The following RABGEF1 variants were observed in gnomAD, a reference collection of about 807,000 sequenced individuals.
RABGEF1 encodes the protein rab5 GDP/GTP exchange factor.
Under a neutral mutation model 57.3 loss-of-function variants are expected in RABGEF1, and 26 were observed. The ratio of observed to expected loss-of-function variants is 0.45; its 90% CI spans 0.33 to 0.63. RABGEF1 has a LOEUF of 0.63. RABGEF1 is among the 20% of genes least tolerant of loss of function. RABGEF1 has a pLI of 0.02. For synonymous variants in RABGEF1, 185 were observed against 210.7 expected (o/e 0.88, Z 1.06); for missense variants, 464 against 607.6 (o/e 0.76, Z 2.48).
chr7:66,753,473 C>T (rs899861642), intron 1 of RABGEF1, among the ~76,000 whole-genome samples: 11 of 152,042 alleles, frequency 7.2e-5, no homozygotes, highest in Admixed American at 2.0e-4. Context: ...GGAGATATTA[C>T]GGGTTTGGTT....
At chr7:66,736,156 T>C (rs779653765), upstream of RABGEF1, among the ~76,000 whole-genome samples, 7 of 152,156 alleles carry the variant, frequency 4.6e-5, no homozygotes, top group Non-Finnish European at 1.0e-4. Flanking sequence ...ACTCCTGCCT[T>C]AGATAGACTC....
intron 3 of RABGEF1, among the ~76,000 whole-genome samples, chr7:66,780,016 G>C (rs1488870384): frequency 2.6e-5 from 4 of 152,188 alleles, no homozygotes; most frequent in Non-Finnish European, 4.4e-5. Flanking sequence ...AGCTAGTAGA[G>C]TTAATCCTCA....
chr7:66,777,453 T>C (rs775820190), intron 3 of RABGEF1, among the ~76,000 whole-genome samples: 8 of 151,454 alleles, frequency 5.3e-5, no homozygotes, highest in Non-Finnish European at 1.2e-4. Context: ...ATATATATCA[T>C]AAATAATATA....
Position 66,795,376 on chromosome 7 carries a change from G to A in RABGEF1, c.514-135G>A. On this transcript the variant is annotated intron_variant, in intron 4 of 8. Transcript: ENST00000284957. The stretch of plus-strand genomic sequence containing the variant: ...AATGGATAGGTTTTACTCTCCTGCA[G>A]GATTAATATAACCTGTGAGTACTTT... The A allele has an allele frequency of 7.2e-6, 5 of 695,948 alleles. No individual in the cohort carries two copies. In the South Asian group the frequency reaches 8.0e-5, roughly 11 times the overall value. 43.1% of individuals were successfully genotyped at this position (695,948 alleles called of 1,614,324 possible).
At chr7:66,796,710 G>T in intron 5 of RABGEF1, 1 of 291,290 alleles carries the variant, frequency 3.4e-6, no homozygotes, top group Non-Finnish European at 6.7e-6. Context: ...TCCTGTCTCA[G>T]CCCCCGAGTG....
At chr7:66,696,004 C>G (rs1311874181) in intron 1 of RABGEF1, among the ~76,000 whole-genome samples, 1 of 151,120 alleles carries the variant, frequency 6.6e-6, no homozygotes, top group Non-Finnish European at 1.5e-5. Context: ...TTTGAAGCAC[C>G]TTGGCTGGGG....
chr7:66,771,220 G>T (rs1334318004), intron 1 of RABGEF1, among the ~76,000 whole-genome samples: 2 of 151,984 alleles, frequency 1.3e-5, no homozygotes, highest in African/African-American at 2.4e-5. Flanking sequence ...CTCACTGCAG[G>T]CTCTGCCTCC....
chr7:66,803,847 C>T lies in RABGEF1; in HGVS notation c.821-1293C>T, dbSNP rs1459714918. On this transcript the variant is annotated intron_variant, in intron 7 of 8. Coordinates refer to ENST00000284957, the MANE Select transcript of RABGEF1 (RefSeq NM_014504.3). ...GAGGTTGCAGTGAGCCGAGATCGTG[C>T]CACTGTACTCTAGCCGGGGCAACAG... Among the ~76,000 whole-genome samples the T allele has an allele frequency of 1.1e-4, 16 of 151,458 alleles. No individual in the cohort carries two copies. In the East Asian group the frequency reaches 1.4e-3, roughly 13 times the overall value.
intron 2 of RABGEF1, among the ~76,000 whole-genome samples, chr7:66,716,109 C>T (rs1795361902): frequency 6.6e-6 from 1 of 152,102 alleles, no homozygotes; most frequent in Non-Finnish European, 1.5e-5. Context: ...TATTTGAGGT[C>T]TGTTTTTAGA....
chr7:66,797,368 T>C lies in RABGEF1; in HGVS notation c.596-6T>C. The C allele has an allele frequency of 6.2e-7, 1 of 1,604,356 alleles. No homozygotes were observed. Among genetic ancestry groups the C allele is most frequent in the Non-Finnish European group, 8.5e-7 (1 of 1,177,772 alleles). ...TCTTGATCTTTTCTCTGTCTGGTTATTTCAGTGCCTCCAGAAAGAGTCGAG... is the reference window on the plus strand; with the variant it reads ...TCTTGATCTTTTCTCTGTCTGGTTACTTCAGTGCCTCCAGAAAGAGTCGAG... On this transcript the variant is annotated splice_polypyrimidine_tract_variant and splice_region_variant and intron_variant, in intron 5 of 8. Coordinates refer to ENST00000284957, the MANE Select transcript of RABGEF1 (RefSeq NM_014504.3).
the RABGEF1 span, among the ~76,000 whole-genome samples, chr7:66,667,010 T>C: frequency 6.6e-6 from 1 of 152,182 alleles, no homozygotes; most frequent in Non-Finnish European, 1.5e-5. Flanking sequence ...TGGGAAATCA[T>C]ATGTCCACTC....
At chr7:66,726,647 A>G (rs1159307958) in intron 2 of RABGEF1, among the ~76,000 whole-genome samples, 14 of 151,960 alleles carry the variant, frequency 9.2e-5, no homozygotes, top group African/African-American at 3.1e-4. Flanking sequence ...GATTACAGGC[A>G]TGAGCCACTG....
chr7:66,756,156 C>A (rs2129071553), intron 1 of RABGEF1: 2 of 916,660 alleles, frequency 2.2e-6, no homozygotes, highest in Non-Finnish European at 3.1e-6. Context: ...TGAGCAAAAT[C>A]AGTTATTCAA....
chr7:66,773,402 C>T (rs1045333965), intron 2 of RABGEF1, among the ~76,000 whole-genome samples: 9 of 152,262 alleles, frequency 5.9e-5, no homozygotes, highest in East Asian at 1.9e-4. Context: ...AGAGGGGTCC[C>T]GATTCCACCC....
intron 1 of RABGEF1, among the ~76,000 whole-genome samples, chr7:66,769,853 T>C (rs543982432): frequency 6.6e-6 from 1 of 152,250 alleles, no homozygotes; most frequent in Non-Finnish European, 1.5e-5. Flanking sequence ...ACCTTCTGTC[T>C]GTGCTACATC....
At chr7:66,682,260 T>C (rs971933842) in intron 1 of RABGEF1, 4 of 162,680 alleles carry the variant, frequency 2.5e-5, no homozygotes, top group African/African-American at 7.3e-5. Context: ...GCGGGCGAGG[T>C]ACGGAGTGGA....
chr7:66,735,157 A>C (rs10244204), intron 2 of RABGEF1, among the ~76,000 whole-genome samples: 6,154 of 152,178 alleles, frequency 0.04, 411 homozygotes, highest in African/African-American at 0.14. Flanking sequence ...AGTGTTAGCT[A>C]ATTTCCTCCC....
At chr7:66,721,163 C>T (rs1038672698) in intron 2 of RABGEF1, among the ~76,000 whole-genome samples, 2 of 152,194 alleles carry the variant, frequency 1.3e-5, no homozygotes, top group African/African-American at 4.8e-5. Context: ...AAGTGATCTG[C>T]CGGCCTCGGC....
chr7:66,671,475 A>T, the RABGEF1 span, among the ~76,000 whole-genome samples: 1 of 152,320 alleles, frequency 6.6e-6, no homozygotes, highest in South Asian at 2.1e-4. Flanking sequence ...CAGCCTTGCC[A>T]TGGGAAGGAG....
Sources: allele counts gnomAD v4.1 joint callset (sites outside exome capture counted in the v4.1 genomes callset), GRCh38; gene constraint gnomAD v4.1.1; transcripts MANE v1.5; gene names NCBI Gene and HGNC (gene_info 2026-07-23, HGNC 2026-07-21).